CCN5: variants seen among roughly 807,000 people sequenced by gnomAD.
CCN5 encodes CCN family member 5.
In CCN5, 17 loss-of-function variants were observed where a neutral mutation model predicts 18.7. The ratio of observed to expected loss-of-function variants is 0.91; its 90% CI spans 0.62 to 1.36. The LOEUF (loss-of-function observed/expected upper bound fraction) is 1.36. Among genes scored for constraint, CCN5 ranks in the 40% most tolerant of loss-of-function variants. The probability of loss-of-function intolerance (pLI) is 0.00; values close to 1 mark genes in which losing one functional copy is unlikely to be tolerated. For synonymous variants in CCN5, 135 were observed against 145.2 expected (o/e 0.93, Z 0.50); for missense variants, 367 against 342.9 (o/e 1.07, Z -0.56).
rs1042884777 is a variant in CCN5 at position 44,720,071 on chromosome 20, C to A, written c.235C>A (p.Gln79Lys). Reference protein sequence around the residue: ...VCDASQGLVCQPGAGPGGRGA... With the variant: ...VCDASQGLVCKPGAGPGGRGA... ...CGACGCCAGCCAGGGCCTGGTCTGC[C>A]AGCCCGGGGCAGGACCCGGTGGCCG... Residue 79 changes from glutamine (Q) to lysine (K), a missense_variant, in exon 2 of 4, where the codon CAG becomes AAG. By Grantham distance (53) the Gln-to-Lys change is moderately conservative (BLOSUM62 1). Coordinates refer to ENST00000190983, the MANE Select transcript of CCN5 (RefSeq NM_003881.4). The A allele has an allele frequency of 1.3e-6, 2 of 1,577,232 alleles. No homozygotes were observed. The highest frequency in any genetic ancestry group is 1.7e-6 in the Non-Finnish European group (2 of 1,167,578).
chr20:44,726,602 T>C (rs1387540629), intron 3 of CCN5, among the ~76,000 whole-genome samples: 3 of 152,122 alleles, frequency 2.0e-5, no homozygotes, highest in Non-Finnish European at 2.9e-5. Flanking sequence ...TGAGGACTTC[T>C]AGTGTAAGAC....
At chr20:44,719,820 C>T in intron 1 of CCN5, 77 bp from the exon 2 acceptor site, 5 of 1,461,888 alleles carry the variant, frequency 3.4e-6, no homozygotes, top group Non-Finnish European at 3.7e-6. Context: ...CCCAGCCTGG[C>T]AGAGAAGTGG....
rs1164479756 is a variant in CCN5, at chr20:44,715,415, C to T, written c.25C>T (p.Leu9Phe). 4.4e-6 allele frequency: 7 copies of T among 1,603,394 alleles called. No homozygotes were observed. The Admixed American group carries it at 5.1e-5, about 12-fold the overall frequency. Residue 9 changes from leucine (L) to phenylalanine (F), a missense_variant, in exon 1 of 4, where the codon CTC becomes TTC. Coordinates refer to ENST00000190983, the MANE Select transcript of CCN5 (RefSeq NM_003881.4). MRGTPKTH[L>F]LAFSLLCLLS... ...CATGAGAGGCACACCGAAGACCCAC[C>T]TCCTGGCCTTCTCCCTCCTCTGCCT...
intron 2 of CCN5, 56 bp downstream of exon 2, chr20:44,720,169 TG>T (rs2065889568): frequency 1.3e-6 from 2 of 1,511,720 alleles, no homozygotes; most frequent in African/African-American, 1.4e-5. Flanking sequence ...GTCAAGGCCG[TG>T]GTGTCCTGGA....
chr20:44,714,869 G>T, upstream of CCN5: 1 of 152,832 alleles, frequency 6.5e-6, no homozygotes, highest in Non-Finnish European at 1.5e-5. Context: ...CCAGAGTCAG[G>T]GCCACGGAGC....
Position 44,724,905 on chromosome 20 carries a change from A to G in CCN5, c.445A>G (p.Arg149Gly). The G allele has an allele frequency of 6.3e-7, 1 of 1,593,366 alleles. No homozygotes were observed. Among genetic ancestry groups the G allele is most frequent in the Non-Finnish European group, 8.5e-7 (1 of 1,171,318 alleles). ...GCCCAGCTGGGACTGCCCCCACCCC[A>G]GGAGGGTCGAGGTCCTGGGCAAGTG... ...RLPSWDCPHP[R>G]RVEVLGKCCP... is the part of the protein sequence containing the mutation. Residue 149 changes from arginine (R) to glycine (G), a missense_variant, in exon 3 of 4, where the codon AGG (arginine) becomes GGG (glycine). Physicochemically the swap from Arg to Gly is moderately radical, Grantham distance 125. Transcript: ENST00000190983.
At chr20:44,726,997 G>T in intron 3 of CCN5, 90 bp from the exon 4 acceptor site, 2 of 1,290,012 alleles carry the variant, frequency 1.6e-6, no homozygotes, top group South Asian at 3.0e-5. Flanking sequence ...TGAGCCATTT[G>T]ACCAAGATTG....
chr20:44,720,171 G>C, intron 2 of CCN5, 58 bp downstream of exon 2: 1 of 1,512,134 alleles, frequency 6.6e-7, no homozygotes, highest in South Asian at 1.2e-5. Flanking sequence ...CAAGGCCGTG[G>C]TGTCCTGGAT....
At chr20:44,720,295 T>C in intron 2 of CCN5, 182 bp downstream of exon 2, 3 of 663,988 alleles carry the variant, frequency 4.5e-6, no homozygotes, top group Non-Finnish European at 7.7e-6. Context: ...TCTCCCTTCT[T>C]GGCCTCTGCT....
At chr20:44,720,408 C>T in intron 2 of CCN5, 2 of 475,980 alleles carry the variant, frequency 4.2e-6, no homozygotes, top group South Asian at 5.4e-5. Flanking sequence ...TGAGAAGCCC[C>T]CCCAGATTCT....
chr20:44,715,783 T>A (rs1006618031), intron 1 of CCN5, among the ~76,000 whole-genome samples: 19 of 152,194 alleles, frequency 1.2e-4, no homozygotes, highest in African/African-American at 4.3e-4. Context: ...CTTTAATGTA[T>A]CCTCATTATG....
chr20:44,722,541 C>T (rs1245750279), intron 2 of CCN5, among the ~76,000 whole-genome samples: 1 of 148,836 alleles, frequency 6.7e-6, no homozygotes, highest in Non-Finnish European at 1.5e-5. Context: ...GATCTCAGCT[C>T]ACTGTAACCC....
upstream of CCN5, chr20:44,715,309 G>A (rs2065851485): frequency 7.3e-7 from 1 of 1,377,518 alleles, no homozygotes; most frequent in African/African-American, 1.4e-5. Flanking sequence ...GCCTGTGTGT[G>A]CCTGGGAGTG....
chr20:44,715,508 G>C, intron 1 of CCN5, 58 bp downstream of exon 1: 1 of 1,540,560 alleles, frequency 6.5e-7, no homozygotes, highest in Non-Finnish European at 8.8e-7. Context: ...GAGGGGGTGG[G>C]GATGTAAAAT....
rs1044144376 is a variant in CCN5 at position 44,727,243 on chromosome 20, G to A, written c.689G>A (p.Arg230His). Reference sequence around the variant, plus strand: ...TTCTGCCGACTGGAGACCCAGCGCCGCCTGTGCCTGTCCAGGCCCTGCCCA... The same window carrying A: ...TTCTGCCGACTGGAGACCCAGCGCCACCTGTGCCTGTCCAGGCCCTGCCCA... ...NRFCRLETQR[R>H]LCLSRPCPPS... Residue 230 changes from arginine to histidine, a missense_variant, in exon 4 of 4, where the codon CGC (arginine) becomes CAC (histidine). Coordinates refer to ENST00000190983, the MANE Select transcript of CCN5 (RefSeq NM_003881.4). 4.3e-6 allele frequency: 7 copies of A among 1,613,594 alleles called. No homozygotes were observed. The highest frequency in any genetic ancestry group is 4.0e-5 in the African/African-American group (3 of 75,044).
chr20:44,715,272 C>CGTGTGTACGCGT (rs2065850314), upstream of CCN5: 3 of 722,102 alleles, frequency 4.2e-6, no homozygotes. Context: ...AGCGCGCGCG[C>CGTGTGTACGCGT]GCGCGCGCGT....
At chr20:44,721,819 C>A (rs1489251734) in intron 2 of CCN5, among the ~76,000 whole-genome samples, 3 of 152,084 alleles carry the variant, frequency 2.0e-5, no homozygotes, top group African/African-American at 7.2e-5. Flanking sequence ...AGGTAGGTAC[C>A]CTTCTCTTAT....
intron 1 of CCN5, among the ~76,000 whole-genome samples, chr20:44,718,900 G>A (rs990839130): frequency 6.6e-6 from 1 of 152,156 alleles, no homozygotes; most frequent in African/African-American, 2.4e-5. Context: ...CTGACTCTGG[G>A]ACTTCTGATT....
rs1204416696 is a variant in CCN5, at chr20:44,727,218, T to C, written c.664T>C (p.Phe222Leu). ...CACCCGGGTGTCCAACCAGAACCGC[T>C]TCTGCCGACTGGAGACCCAGCGCCG... ...MATRVSNQNR[F>L]CRLETQRRLC... Residue 222 changes from phenylalanine to leucine, a missense_variant, in exon 4 of 4, where the codon TTC becomes CTC. Transcript: ENST00000190983. 6.2e-7 allele frequency: 1 copy of C among 1,613,748 alleles called. No individual in the cohort carries two copies. The highest frequency in any genetic ancestry group is 1.3e-5 in the African/African-American group (1 of 75,046).
Sources: allele counts gnomAD v4.1 joint callset (sites outside exome capture counted in the v4.1 genomes callset), GRCh38; gene constraint gnomAD v4.1.1; transcripts MANE v1.5; gene names NCBI Gene and HGNC (gene_info 2026-07-23, HGNC 2026-07-21).